Variants in UMAD1 observed in about 807,000 individuals in gnomAD.
UMAD1 encodes the protein UBAP1-MVB12-associated (UMA)-domain containing protein 1.
In UMAD1, 8 loss-of-function variants were observed where a neutral mutation model predicts 6.1. The ratio of observed to expected loss-of-function variants is 1.30; its 90% confidence interval spans 0.76 to 2.35. The LOEUF (loss-of-function observed/expected upper bound fraction) is 2.35. Among genes scored for constraint, UMAD1 ranks in the 30% most tolerant of loss-of-function variants. The pLI is 0.00. For synonymous variants in UMAD1, 56 were observed against 31.4 expected, an observed-to-expected ratio of 1.78 and a Z score of -2.61; for missense variants, 130 against 78.4, an observed-to-expected ratio of 1.66 and a Z score of -2.49.
intron 2 of UMAD1, among the ~76,000 whole-genome samples, chr7:7,745,180 CTTG>C (rs1473601625): frequency 6.6e-6 from 1 of 152,086 alleles, no homozygotes; most frequent in East Asian, 1.9e-4. Context: ...GGTCTTCATT[CTTG>C]TTGTCTTCGC....
intron 2 of UMAD1, among the ~76,000 whole-genome samples, chr7:7,787,605 C>A (rs540077289): frequency 6.6e-6 from 1 of 152,120 alleles, no homozygotes; most frequent in South Asian, 2.1e-4. Flanking sequence ...CTATGCAGAA[C>A]CCAGTAAAAT....
At chr7:7,708,088 C>T (rs1394576106) in intron 2 of UMAD1, among the ~76,000 whole-genome samples, 1 of 152,138 alleles carries the variant, frequency 6.6e-6, no homozygotes, top group Non-Finnish European at 1.5e-5. Flanking sequence ...TCATTCTTCT[C>T]TTAGCCTCCT....
rs1453914763 is a variant in UMAD1 at position 7,762,849 on chromosome 7, C to T, written c.83-38821C>T. 2.0e-5 allele frequency among the ~76,000 whole-genome samples: 3 copies of T among 151,256 alleles called. No individual in the cohort carries two copies. In the East Asian group the frequency reaches 5.8e-4, roughly 29 times the overall value. On this transcript the variant is annotated intron_variant, in intron 2 of 3. Coordinates refer to ENST00000682710, the MANE Select transcript of UMAD1 (RefSeq NM_001302348.2). ...TCGAAGGCTTCATGAGTTGAAAGCA[C>T]ATTACATATATGTAAGATTTAATGG...
At chr7:7,852,632 G>T (rs1302652624) in intron 3 of UMAD1, among the ~76,000 whole-genome samples, 1 of 152,104 alleles carries the variant, frequency 6.6e-6, no homozygotes, top group African/African-American at 2.4e-5. Context: ...AGAGATACAC[G>T]GGGTAAGGTC....
chr7:7,736,162 G>A (rs747557127), intron 2 of UMAD1: 1 of 152,216 alleles, frequency 6.6e-6, no homozygotes, highest in African/African-American at 2.4e-5. Flanking sequence ...AATTTTCAGT[G>A]TTCTTAGTAG....
At chr7:7,664,240 A>G (rs1045214723) in intron 1 of UMAD1, among the ~76,000 whole-genome samples, 3 of 152,038 alleles carry the variant, frequency 2.0e-5, no homozygotes, top group African/African-American at 7.2e-5. Flanking sequence ...CCACTTTTCC[A>G]TATCATTTCT....
chr7:7,768,942 A>G (rs1325968770), intron 2 of UMAD1, among the ~76,000 whole-genome samples: 3 of 152,106 alleles, frequency 2.0e-5, no homozygotes, highest in African/African-American at 7.2e-5. Context: ...ACTAATTAAT[A>G]CCTATAGCTC....
intron 2 of UMAD1, among the ~76,000 whole-genome samples, chr7:7,678,491 A>G (rs1382842086): frequency 7.1e-6 from 1 of 140,926 alleles, no homozygotes; most frequent in African/African-American, 2.6e-5. Context: ...TTTATAGATA[A>G]TATATATTTA....
chr7:7,710,946 C>T (rs529511482), intron 2 of UMAD1, among the ~76,000 whole-genome samples: 1 of 152,272 alleles, frequency 6.6e-6, no homozygotes, highest in Non-Finnish European at 1.5e-5. Context: ...CTAAAGGTAA[C>T]GTACTGTATG....
rs28915997 is a variant in UMAD1, at chr7:7,670,992, G to C, written c.-63-2317G>C. ...CCCTGTTGGAATTTTTTCCTTTTCG[G>C]TAACTTCCTTGGCTACAACGGAAAT... On this transcript the variant is annotated intron_variant, in intron 1 of 3. Transcript: ENST00000682710. Among the ~76,000 whole-genome samples, 693 of 152,240 alleles carry C rather than the reference G, an allele frequency of 4.6e-3. 7 individuals carry two copies. The highest frequency in any genetic ancestry group is 0.016 in the African/African-American group (667 of 41,550).
Position 7,778,275 on chromosome 7 carries a change from T to TGTGTGTGTGTGTGAGA in UMAD1, c.83-23394_83-23393insTGTGTGTGTGTGAGAG, listed in dbSNP as rs1271237125. On this transcript the variant is annotated intron_variant, in intron 2 of 3. Coordinates refer to ENST00000682710, the MANE Select transcript of UMAD1 (RefSeq NM_001302348.2). ...GTGTGTGTGTGTGTGTGTGTGTGTG[T>TGTGTGTGTGTGTGAGA]GAGAGAGAGAGAGAGAGAGAGACAG... Among the ~76,000 whole-genome samples the TGTGTGTGTGTGTGAGA allele has an allele frequency of 9.9e-5, 11 of 110,652 alleles. 1 individual carries two copies. Among genetic ancestry groups the TGTGTGTGTGTGTGAGA allele is most frequent in the Admixed American group, 1.9e-4 (2 of 10,718 alleles). 72.6% of individuals were successfully genotyped at this position (110,652 alleles called of 152,430 possible).
At chr7:7,871,223 A>G (rs916993816) in intron 3 of UMAD1, among the ~76,000 whole-genome samples, 2 of 152,222 alleles carry the variant, frequency 1.3e-5, no homozygotes, top group African/African-American at 4.8e-5. Context: ...AAGGTACAAA[A>G]TATTAGCATC....
At chr7:7,749,348 C>T (rs1781634644) in intron 2 of UMAD1, among the ~76,000 whole-genome samples, 1 of 152,150 alleles carries the variant, frequency 6.6e-6, no homozygotes, top group Non-Finnish European at 1.5e-5. Flanking sequence ...TACTTTCCAG[C>T]AGTGCACACT....
intron 3 of UMAD1, among the ~76,000 whole-genome samples, chr7:7,869,361 G>A (rs1309316786): frequency 6.6e-6 from 1 of 152,206 alleles, no homozygotes; most frequent in African/African-American, 2.4e-5. Context: ...ATAGACATTA[G>A]AATTTAAAGG....
At chr7:7,858,390 G>C (rs1367998735) in intron 3 of UMAD1, among the ~76,000 whole-genome samples, 1 of 152,146 alleles carries the variant, frequency 6.6e-6, no homozygotes, top group Non-Finnish European at 1.5e-5. Context: ...CCTGCAAAGA[G>C]GGCAGAGGAG....
At chr7:7,736,437 C>G (rs1188227792) in intron 2 of UMAD1, 1 of 152,896 alleles carries the variant, frequency 6.5e-6, no homozygotes, top group Non-Finnish European at 1.5e-5. Context: ...GTTTCTACTT[C>G]TGTGCATAGG....
intron 1 of UMAD1, among the ~76,000 whole-genome samples, chr7:7,672,209 A>T (rs1375165372): frequency 1.3e-5 from 2 of 151,974 alleles, no homozygotes; most frequent in Admixed American, 6.6e-5. Context: ...TTTCTCTTTT[A>T]TTTTTTTGGC....
chr7:7,717,778 G>A (rs1780954124), intron 2 of UMAD1, among the ~76,000 whole-genome samples: 2 of 152,204 alleles, frequency 1.3e-5, no homozygotes. Flanking sequence ...CTGGATGAGA[G>A]CATGAGTTTG....
At chr7:7,778,261 T>TGAGAGAGA (rs1486390257) in intron 2 of UMAD1, among the ~76,000 whole-genome samples, 2 of 140,612 alleles carry the variant, frequency 1.4e-5, no homozygotes, top group African/African-American at 5.4e-5. Flanking sequence ...TGTGTGTGTG[T>TGAGAGAGA]GTGTGTGTGT....
Sources: gnomAD v4.1 joint callset for allele counts (sites outside exome capture counted in the v4.1 genomes callset) on GRCh38, gnomAD v4.1.1 for gene constraint, MANE v1.5 for transcripts, NCBI Gene and HGNC (gene_info 2026-07-23, HGNC 2026-07-21) for gene names.